MDN1: variants seen among roughly 807,000 people sequenced by gnomAD.
MDN1 encodes the protein midasin.
A neutral mutation model predicts 669.2 loss-of-function variants in MDN1; 266 were observed. That is an observed-to-expected ratio of 0.40 (90% CI 0.36 to 0.44). The LOEUF is 0.44. MDN1 is among the 20% of genes least tolerant of loss of function. The pLI is 1.00. For missense variants in MDN1, 5,940 were observed against 6,754.0 expected (o/e 0.88, Z 4.22); for synonymous variants, 2,385 against 2,457.1 (o/e 0.97, Z 0.87).
chr6:89,727,844 C>A lies in MDN1; in HGVS notation c.5461G>T (p.Val1821Leu). 1 of 1,614,006 alleles carries A rather than the reference C, an allele frequency of 6.2e-7. No individual in the cohort carries two copies. Among genetic ancestry groups the A allele is most frequent in the Non-Finnish European group, 8.5e-7 (1 of 1,179,924 alleles). Residue 1821 changes from valine (V) to leucine (L), a missense_variant, in exon 37 of 102, where the codon GTG becomes TTG. Val to Leu is a conservative substitution (Grantham distance 32, BLOSUM62 1). This residue lies in a region of MDN1 where 2,292 missense variants were observed against 2,638.3 expected (regional missense o/e 0.87). Transcript: ENST00000369393. Reference sequence around the variant, plus strand: ...AACAGGCCCCTCACCTCATCCAACACCACCCAATGGCCTGCCTTCAAAGCT... The same window carrying A: ...AACAGGCCCCTCACCTCATCCAACAACACCCAATGGCCTGCCTTCAAAGCT... ...LAALKAGHWV[V>L]LDELNLASQS...
At chr6:89,782,062 T>C (rs1286458066) in intron 9 of MDN1, among the ~76,000 whole-genome samples, 4 of 152,212 alleles carry the variant, frequency 2.6e-5, no homozygotes, top group Non-Finnish European at 4.4e-5. Context: ...TACTCACTCC[T>C]GTTCCCACCC....
At chr6:89,809,992 C>CCAA (rs1768284932) in intron 1 of MDN1, among the ~76,000 whole-genome samples, 1 of 16,038 alleles carries the variant, frequency 6.2e-5, no homozygotes, top group Non-Finnish European at 1.1e-4. Context: ...CTCCGTTTCA[C>CCAA]TAAAAAAAAA....
At chr6:89,811,828 G>A (rs1001684483) in intron 1 of MDN1, among the ~76,000 whole-genome samples, 9 of 152,110 alleles carry the variant, frequency 5.9e-5, no homozygotes, top group African/African-American at 1.9e-4. Flanking sequence ...GGACCCACTG[G>A]AAAAGGGAAA....
chr6:89,785,128 T>A lies in MDN1; in HGVS notation c.1335-2A>T. 4 of 1,604,522 alleles carry A rather than the reference T, an allele frequency of 2.5e-6. No homozygotes were observed. Among genetic ancestry groups the A allele is most frequent in the Non-Finnish European group, 3.4e-6 (4 of 1,172,832 alleles). On this transcript the variant is annotated splice_acceptor_variant, in intron 8 of 101. Coordinates refer to ENST00000369393, the MANE Select transcript of MDN1 (RefSeq NM_014611.3). LOFTEE classifies it high-confidence loss of function. ...CAATTTCCTCCACAGCTCAAGAGTC[T>A]ACGTTTCAAAATAAAAAACACAGTC... is the stretch of plus-strand genomic sequence containing the variant.
intron 48 of MDN1, 42 bp from the exon 49 acceptor site, chr6:89,712,298 CT>C (rs765668545): frequency 6.7e-7 from 1 of 1,502,318 alleles, no homozygotes; most frequent in East Asian, 2.3e-5. Context: ...CTAGAATAAC[CT>C]TTTATTTCAC....
At chr6:89,733,804 T>TC (rs757953881) in intron 33 of MDN1, among the ~76,000 whole-genome samples, 8 of 151,042 alleles carry the variant, frequency 5.3e-5, no homozygotes, top group Admixed American at 3.3e-4. Context: ...AAAATGAAAA[T>TC]GAAAAAATCC....
intron 78 of MDN1, 140 bp downstream of exon 78, chr6:89,675,324 C>T (rs1048380896): frequency 1.5e-6 from 1 of 683,006 alleles, no homozygotes; most frequent in Non-Finnish European, 2.4e-6. Flanking sequence ...TGGGAGAAAC[C>T]CTACCTGCCT....
At chr6:89,723,447 G>C in intron 39 of MDN1, 65 bp downstream of exon 39, 1 of 1,012,384 alleles carries the variant, frequency 9.9e-7, no homozygotes, top group South Asian at 1.7e-5. Context: ...AGAACTCTAT[G>C]TTGAAAAAAT....
At chr6:89,746,550 T>C (rs1000081149) in intron 27 of MDN1, among the ~76,000 whole-genome samples, 5 of 136,230 alleles carry the variant, frequency 3.7e-5, no homozygotes, top group Non-Finnish European at 6.0e-5. Flanking sequence ...GCTGAGATCG[T>C]GCCACTGCAC....
chr6:89,688,017 C>T lies in MDN1; in HGVS notation c.11355+61G>A, dbSNP rs1190774135. On this transcript the variant is annotated intron_variant, in intron 67 of 101. Coordinates refer to ENST00000369393, the MANE Select transcript of MDN1 (RefSeq NM_014611.3). ...TTTCTGTCTAACAACAAAGGTGCCA[C>T]AAGACGTATCTTTTGCCAACTGACC... 1.5e-5 allele frequency: 20 copies of T among 1,373,064 alleles called. No homozygotes were observed. The East Asian group carries it at 4.3e-4, about 30-fold the overall frequency. The allele number at this position is 1,373,064 out of a possible 1,614,324, so 85.1% of individuals were successfully genotyped here.
chr6:89,741,478 C>T (rs1243638332), intron 31 of MDN1, among the ~76,000 whole-genome samples: 2 of 151,912 alleles, frequency 1.3e-5, no homozygotes, highest in Non-Finnish European at 2.9e-5. Context: ...AAAGTAATAG[C>T]GCCCCCCCAA....
At position 89,785,085 on chromosome 6, in the gene MDN1, C is replaced by G. The variant is rs2128325371; in HGVS notation, c.1376G>C (p.Ser459Thr). ...ATATTTGTCTAGCAAAGTAGCATGA[C>G]TGTTTAGCGGTCGATACCAATTTCC... is the stretch of plus-strand genomic sequence containing the variant. ...CGGNWYRPLN[S>T]HATLLDKYWT... Residue 459 changes from serine to threonine, a missense_variant, in exon 9 of 102, where the codon AGT becomes ACT. By Grantham distance (58) the Ser-to-Thr change is moderately conservative. Around this residue, in one of 5 missense-constraint regions of MDN1, gnomAD observed 1,203 missense variants for 1,268.9 expected, o/e 0.95. Transcript: ENST00000369393. 6.2e-7 allele frequency: 1 copy of G among 1,614,134 alleles called. No homozygotes were observed. Among genetic ancestry groups the G allele is most frequent in the Non-Finnish European group, 8.5e-7 (1 of 1,179,990 alleles).
At chr6:89,781,329 T>A in intron 10 of MDN1, 70 bp downstream of exon 10, 4 of 1,498,936 alleles carry the variant, frequency 2.7e-6, no homozygotes, top group Non-Finnish European at 3.7e-6. Flanking sequence ...CCAGCCTGGG[T>A]AACAGAGCAG....
At chr6:89,679,760 C>T (rs1252472602) in intron 74 of MDN1, among the ~76,000 whole-genome samples, 1 of 152,222 alleles carries the variant, frequency 6.6e-6, no homozygotes, top group Non-Finnish European at 1.5e-5. Context: ...TAAGGCAGCA[C>T]TACCAGCCAA....
chr6:89,693,821 C>A (rs1812539951), intron 62 of MDN1, among the ~76,000 whole-genome samples: 3 of 152,310 alleles, frequency 2.0e-5, no homozygotes, highest in Middle Eastern at 3.4e-3. Flanking sequence ...TACTATCACA[C>A]CCCACTTCTT....
intron 73 of MDN1, among the ~76,000 whole-genome samples, chr6:89,682,711 A>C (rs796551684): frequency 6.0e-4 from 37 of 61,650 alleles, no homozygotes; most frequent in African/African-American, 7.4e-4. Flanking sequence ...AAAAAAAAAA[A>C]AAAAAAAAAA....
intron 3 of MDN1, 114 bp downstream of exon 3, chr6:89,794,463 G>T: frequency 1.9e-6 from 2 of 1,054,220 alleles, no homozygotes; most frequent in Admixed American, 2.5e-5. Flanking sequence ...AAAGCCACAA[G>T]AACAAAAATA....
intron 92 of MDN1, among the ~76,000 whole-genome samples, 174 bp from the exon 93 acceptor site, chr6:89,654,508 C>T (rs1809109080): frequency 6.6e-6 from 1 of 152,100 alleles, no homozygotes; most frequent in Admixed American, 6.5e-5. Context: ...TTCCTATTGA[C>T]CTATTGACAT....
chr6:89,712,280 A>C, intron 48 of MDN1, 24 bp from the exon 49 acceptor site: 2 of 1,569,780 alleles, frequency 1.3e-6, no homozygotes, highest in Non-Finnish European at 1.8e-6. Context: ...GAATGAACAA[A>C]CTCAGTACTA....
Sources: allele counts gnomAD v4.1 joint callset (sites outside exome capture counted in the v4.1 genomes callset), GRCh38; gene constraint gnomAD v4.1.1; regional missense constraint gnomAD v4.1.1; transcripts MANE v1.5; gene names NCBI Gene and HGNC (gene_info 2026-07-23, HGNC 2026-07-21).